PTPRO: variants seen among roughly 807,000 people sequenced by gnomAD.
PTPRO encodes protein tyrosine phosphatase receptor type O.
PTPRO carries 62 observed loss-of-function variants against 145.2 expected under a neutral mutation model. The observed-to-expected ratio is 0.43, with a 90% CI of 0.35 to 0.53. The LOEUF is 0.53. Ranked by LOEUF, PTPRO falls within the 20% of genes least tolerant of loss-of-function variation. The probability of loss-of-function intolerance (pLI) is 0.01; values close to 1 mark genes in which losing one functional copy is unlikely to be tolerated. For missense variants in PTPRO, 1,345 were observed against 1,482.7 expected, an observed-to-expected ratio of 0.91 and a Z score of 1.53; for synonymous variants, 565 against 514.7, an observed-to-expected ratio of 1.10 and a Z score of -1.32.
At chr12:15,565,867 G>A (rs969000330) in intron 18 of PTPRO, among the ~76,000 whole-genome samples, 1 of 152,186 alleles carries the variant, frequency 6.6e-6, no homozygotes, top group Non-Finnish European at 1.5e-5. Flanking sequence ...TCAAATCTGA[G>A]AGAGTGGATC....
intron 1 of PTPRO, among the ~76,000 whole-genome samples, chr12:15,450,408 C>G (rs1941014740): frequency 6.6e-6 from 1 of 152,214 alleles, no homozygotes; most frequent in African/African-American, 2.4e-5. Context: ...GATTTGACTA[C>G]TTTATAGAAA....
chr12:15,477,295 G>T (rs1941675927), intron 1 of PTPRO, among the ~76,000 whole-genome samples: 1 of 130,336 alleles, frequency 7.7e-6, no homozygotes, highest in Non-Finnish European at 1.6e-5. Context: ...GGTGGGAATT[G>T]AACAATGAGA....
intron 14 of PTPRO, among the ~76,000 whole-genome samples, chr12:15,550,590 C>T (rs1444156831): frequency 6.6e-6 from 1 of 152,144 alleles, no homozygotes; most frequent in Non-Finnish European, 1.5e-5. Context: ...GATGAAATGG[C>T]TTCTCTCCAA....
intron 9 of PTPRO, among the ~76,000 whole-genome samples, chr12:15,519,499 TAATC>T (rs1159669077): frequency 6.6e-6 from 1 of 152,234 alleles, no homozygotes; most frequent in Non-Finnish European, 1.5e-5. Context: ...ATGTATTTGT[TAATC>T]AACATTTTTT....
intron 1 of PTPRO, among the ~76,000 whole-genome samples, chr12:15,369,064 T>G (rs1938447336): frequency 6.6e-6 from 1 of 152,188 alleles, no homozygotes; most frequent in Non-Finnish European, 1.5e-5. Flanking sequence ...GCTTCATTAA[T>G]TCTCTAACCA....
chr12:15,513,315 A>G (rs768924271), intron 7 of PTPRO, among the ~76,000 whole-genome samples: 2 of 152,106 alleles, frequency 1.3e-5, no homozygotes, highest in Non-Finnish European at 2.9e-5. Context: ...GAAACTCTCT[A>G]TCAGATGAAG....
chr12:15,348,212 GA>G (rs990866649), intron 1 of PTPRO: 1 of 152,222 alleles, frequency 6.6e-6, no homozygotes, highest in African/African-American at 2.4e-5. Flanking sequence ...CTTAAAACTA[GA>G]AGAGGAAGGT....
intron 1 of PTPRO, among the ~76,000 whole-genome samples, chr12:15,438,325 A>G (rs1940659364): frequency 6.6e-6 from 1 of 152,200 alleles, no homozygotes; most frequent in South Asian, 2.1e-4. Flanking sequence ...TGAAACCACC[A>G]AAAGATTGAG....
chr12:15,416,296 G>C (rs556595198), intron 1 of PTPRO, among the ~76,000 whole-genome samples: 1 of 149,566 alleles, frequency 6.7e-6, no homozygotes, highest in Admixed American at 6.7e-5. Context: ...ACTAAATCTT[G>C]GTTCCTCTTT....
chr12:15,561,704 C>G (rs1165642901), intron 17 of PTPRO, among the ~76,000 whole-genome samples: 2 of 152,090 alleles, frequency 1.3e-5, no homozygotes, highest in Non-Finnish European at 2.9e-5. Context: ...TTACTTTTAA[C>G]TGAACATCTA....
At chr12:15,546,866 C>T (rs947401683) in intron 13 of PTPRO, among the ~76,000 whole-genome samples, 158 bp downstream of exon 13, 4 of 152,136 alleles carry the variant, frequency 2.6e-5, no homozygotes, top group African/African-American at 9.7e-5. Flanking sequence ...AGGCTTAGAC[C>T]AAGCCCAAAA....
At chr12:15,470,897 A>G (rs1408763020) in intron 1 of PTPRO, among the ~76,000 whole-genome samples, 1 of 152,032 alleles carries the variant, frequency 6.6e-6, no homozygotes, top group Non-Finnish European at 1.5e-5. Context: ...CTGCCAATGT[A>G]TTTTCTTTGG....
intron 1 of PTPRO, among the ~76,000 whole-genome samples, chr12:15,469,865 C>T (rs758140691): frequency 2.6e-5 from 4 of 151,360 alleles, no homozygotes; most frequent in African/African-American, 9.7e-5. Context: ...ACATTAGTTA[C>T]TGTTTTTGGA....
chr12:15,540,738 C>T (rs563608366), intron 12 of PTPRO, among the ~76,000 whole-genome samples: 15 of 152,340 alleles, frequency 9.8e-5, no homozygotes, highest in African/African-American at 3.1e-4. Context: ...CAGACACTAG[C>T]TCACACTTCA....
intron 1 of PTPRO, among the ~76,000 whole-genome samples, chr12:15,378,016 A>G (rs1020160653): frequency 2.6e-5 from 4 of 152,210 alleles, no homozygotes; most frequent in South Asian, 2.1e-4. Context: ...AGAAATTTAC[A>G]TCTGTGAATG....
chr12:15,324,546 G>A (rs565678914), intron 1 of PTPRO, among the ~76,000 whole-genome samples: 9 of 152,184 alleles, frequency 5.9e-5, no homozygotes, highest in Non-Finnish European at 8.8e-5. Flanking sequence ...GCAGGTAAAT[G>A]TAAATTATGG....
At chr12:15,563,629 A>C (rs1367869015) in intron 17 of PTPRO, among the ~76,000 whole-genome samples, 3 of 152,148 alleles carry the variant, frequency 2.0e-5, no homozygotes, top group Non-Finnish European at 2.9e-5. Flanking sequence ...CGTTATATTG[A>C]AAGTTCATTC....
At chr12:15,476,084 G>T (rs903171885) in intron 1 of PTPRO, among the ~76,000 whole-genome samples, 15 of 152,284 alleles carry the variant, frequency 9.9e-5, no homozygotes, top group African/African-American at 3.6e-4. Flanking sequence ...GGGGAAAAAT[G>T]AGAAGTTTAA....
intron 25 of PTPRO, among the ~76,000 whole-genome samples, chr12:15,591,996 T>C (rs1944563958): frequency 1.3e-5 from 2 of 152,184 alleles, no homozygotes; most frequent in South Asian, 2.1e-4. Context: ...TTCCCCGGGT[T>C]ACTTACTTTT....
Sources: allele counts gnomAD v4.1 joint callset (sites outside exome capture counted in the v4.1 genomes callset), GRCh38; gene constraint gnomAD v4.1.1; transcripts MANE v1.5; gene names NCBI Gene and HGNC (gene_info 2026-07-23, HGNC 2026-07-21).